WDPCP: variants seen among roughly 807,000 people sequenced by gnomAD.
The protein encoded by WDPCP is WD repeat containing planar cell polarity effector, also known as WD repeat-containing and planar cell polarity effector protein fritz homolog.
A neutral mutation model predicts 93.1 loss-of-function variants in WDPCP; 71 were observed. The ratio of observed to expected loss-of-function variants is 0.76; its 90% CI spans 0.63 to 0.93. The LOEUF is 0.93. Among genes scored for constraint, WDPCP ranks in the 40% least tolerant of loss-of-function variants. WDPCP has a pLI of 0.00. For missense variants in WDPCP, 844 were observed against 887.4 expected, an observed-to-expected ratio of 0.95 and a Z score of 0.62; for synonymous variants, 315 against 315.0, an observed-to-expected ratio of 1.00 and a Z score of 0.00.
intron 13 of WDPCP, among the ~76,000 whole-genome samples, chr2:63,273,391 C>T (rs1158891568): frequency 1.3e-5 from 2 of 150,828 alleles, no homozygotes; most frequent in Non-Finnish European, 3.0e-5. Context: ...CAATAATAAA[C>T]AGTAAGAGAG....
intron 1 of WDPCP, among the ~76,000 whole-genome samples, chr2:63,561,818 A>G (rs1289171716): frequency 2.6e-5 from 4 of 152,230 alleles, no homozygotes; most frequent in Non-Finnish European, 5.9e-5. Flanking sequence ...AACCACAATG[A>G]GATACCATCT....
chr2:63,466,211 T>A (rs1699335903), intron 6 of WDPCP, among the ~76,000 whole-genome samples: 1 of 152,180 alleles, frequency 6.6e-6, no homozygotes, highest in East Asian at 1.9e-4. Flanking sequence ...GAACATTTTA[T>A]ATACAATACT....
chr2:63,787,534 G>A (rs1670487521), intron 2 of WDPCP, among the ~76,000 whole-genome samples: 1 of 152,098 alleles, frequency 6.6e-6, no homozygotes, highest in Admixed American at 6.6e-5. Context: ...TTGAAACTAT[G>A]AAGAATCAAA....
chr2:63,259,198 T>C (rs1466735740), intron 14 of WDPCP, 109 bp downstream of exon 14: 1 of 947,572 alleles, frequency 1.1e-6, no homozygotes, highest in Non-Finnish European at 1.7e-6. Context: ...GCACTGTCTT[T>C]ACAAACAAAG....
At chr2:63,531,257 G>C (rs781371697) in intron 1 of WDPCP, among the ~76,000 whole-genome samples, 1 of 152,228 alleles carries the variant, frequency 6.6e-6, no homozygotes, top group Non-Finnish European at 1.5e-5. Context: ...CTCCACCTCT[G>C]GGGGCAGGGG....
chr2:63,804,749 G>T (rs899395258), intron 2 of WDPCP, among the ~76,000 whole-genome samples: 2 of 151,796 alleles, frequency 1.3e-5, no homozygotes, highest in Non-Finnish European at 2.9e-5. Context: ...TCCATGTTGG[G>T]CCGGGCACGG....
intron 1 of WDPCP, among the ~76,000 whole-genome samples, chr2:63,493,561 G>GA (rs1478714314): frequency 6.9e-6 from 1 of 144,508 alleles, no homozygotes; most frequent in Non-Finnish European, 1.5e-5. Context: ...TTTTTTTTTT[G>GA]AAAAAACAAA....
intron 14 of WDPCP, among the ~76,000 whole-genome samples, chr2:63,201,279 A>G (rs1675893999): frequency 6.6e-6 from 1 of 152,096 alleles, no homozygotes; most frequent in African/African-American, 2.4e-5. Flanking sequence ...CTTCCTGTAC[A>G]GCCTGCAGAA....
chr2:63,141,313 G>A (rs750365875), intron 17 of WDPCP, among the ~76,000 whole-genome samples: 6 of 152,196 alleles, frequency 3.9e-5, no homozygotes, highest in Non-Finnish European at 5.9e-5. Context: ...TCCTGACCTC[G>A]TGATCCACCC....
At chr2:63,195,339 TAAG>T (rs1293695548) in intron 14 of WDPCP, among the ~76,000 whole-genome samples, 7 of 152,224 alleles carry the variant, frequency 4.6e-5, no homozygotes, top group Non-Finnish European at 8.8e-5. Context: ...CATGTGATCT[TAAG>T]CAGGTCACGT....
At chr2:63,660,608 C>T (rs529879028) in intron 2 of WDPCP, among the ~76,000 whole-genome samples, 10 of 152,182 alleles carry the variant, frequency 6.6e-5, no homozygotes, top group Admixed American at 2.0e-4. Flanking sequence ...TATGCATGTA[C>T]CCCCCTGTAT....
In WDPCP at chr2:63,703,184, G is replaced by A. The variant is rs112968288; in HGVS notation, n.309-52346C>T. On this transcript the variant is annotated intron_variant and non_coding_transcript_variant, in intron 2 of 4. Coordinates refer to the WDPCP transcript ENST00000467687. ...GTGAATAGTGCTGCAATAAACATAC[G>A]TGTGCATGTGTCTTTATAGCAGCAT... is the stretch of plus-strand genomic sequence containing the variant. 2.2e-3 allele frequency among the ~76,000 whole-genome samples: 336 copies of A among 152,148 alleles called. 2 individuals are homozygous for A. The highest frequency in any genetic ancestry group is 3.5e-3 in the Non-Finnish European group (235 of 68,000).
chr2:63,599,272 C>A, intron 3 of WDPCP: 1 of 1,613,288 alleles, frequency 6.2e-7, no homozygotes, highest in Non-Finnish European at 8.5e-7. Context: ...TCGTTTGGAT[C>A]ACAACCGAGC....
At chr2:63,129,715 C>T (rs1459458715) in intron 17 of WDPCP, among the ~76,000 whole-genome samples, 1 of 152,098 alleles carries the variant, frequency 6.6e-6, no homozygotes, top group African/African-American at 2.4e-5. Context: ...ACAGTTGTCG[C>T]TCAGTATTTG....
chr2:63,228,991 C>A (rs1274320267), intron 14 of WDPCP: 1 of 152,144 alleles, frequency 6.6e-6, no homozygotes, highest in Non-Finnish European at 1.5e-5. Flanking sequence ...AGTTCCAGAT[C>A]CCTGAGGAAT....
chr2:63,153,689 A>G lies in WDPCP; in HGVS notation c.2079-115T>C, dbSNP rs1464318235. ...ATATTTTAAAGTTTCTGGGTTAAAA[A>G]ATGTAATTAAAAAATTTCTTTGGAA... On this transcript the variant is annotated intron_variant, in intron 15 of 17. Transcript: ENST00000272321. 6.5e-6 allele frequency: 4 copies of G among 613,634 alleles called. No individual in the cohort carries two copies. In the African/African-American group the frequency reaches 7.5e-5, roughly 12 times the overall value. The allele number at this position is 613,634 out of a possible 1,614,324, so 38.0% of individuals were successfully genotyped here.
chr2:63,442,666 C>T (rs1697578718), intron 6 of WDPCP: 1 of 152,190 alleles, frequency 6.6e-6, no homozygotes, highest in Non-Finnish European at 1.5e-5. Context: ...CTCCCATTGG[C>T]TATGATTTCA....
intron 3 of WDPCP, among the ~76,000 whole-genome samples, chr2:63,637,372 A>G (rs1032146227): frequency 1.3e-5 from 2 of 151,154 alleles, no homozygotes; most frequent in Non-Finnish European, 2.9e-5. Context: ...AGAAAAAACA[A>G]AAAAACAAAA....
chr2:63,622,620 G>A (rs1709757007), intron 3 of WDPCP: 1 of 1,613,720 alleles, frequency 6.2e-7, no homozygotes, highest in Non-Finnish European at 8.5e-7. Context: ...AACATTGGCA[G>A]GAAATAGTTG....
Sources: gnomAD v4.1 joint callset for allele counts (sites outside exome capture counted in the v4.1 genomes callset) on GRCh38, gnomAD v4.1.1 for gene constraint, MANE v1.5 for transcripts, NCBI Gene and HGNC (gene_info 2026-07-23, HGNC 2026-07-21) for gene names.